SPIN1: variants seen among roughly 807,000 people sequenced by gnomAD.
SPIN1 encodes the protein spindlin-1.
Under a neutral mutation model 26.0 loss-of-function variants are expected in SPIN1, and 3 were observed. The observed-to-expected ratio is 0.12, with a 90% CI of 0.05 to 0.30. The LOEUF is 0.30. Ranked by LOEUF, SPIN1 falls within the 10% of genes least tolerant of loss-of-function variation. SPIN1 has a pLI of 1.00. For synonymous variants in SPIN1, 101 were observed against 116.5 expected, an observed-to-expected ratio of 0.87 and a Z score of 0.86; for missense variants, 126 against 333.4, an observed-to-expected ratio of 0.38 and a Z score of 4.84.
chr9:88,392,638 T>C (rs906397670), intron 1 of SPIN1, among the ~76,000 whole-genome samples: 34 of 152,030 alleles, frequency 2.2e-4, no homozygotes, highest in African/African-American at 5.5e-4. Flanking sequence ...CTTCCTTCCT[T>C]CCTCCCTCTT....
intron 1 of SPIN1, among the ~76,000 whole-genome samples, chr9:88,396,423 G>GA (rs1482387821): frequency 6.6e-6 from 1 of 151,414 alleles, no homozygotes; most frequent in African/African-American, 2.4e-5. Flanking sequence ...CCAACATGGT[G>GA]AAACCCCGTC....
At chr9:88,431,226 T>C (rs760738763) in intron 2 of SPIN1, among the ~76,000 whole-genome samples, 9 of 151,576 alleles carry the variant, frequency 5.9e-5, no homozygotes, top group Non-Finnish European at 1.0e-4. Flanking sequence ...GTACAAGGAA[T>C]GTTAGTCATA....
At chr9:88,453,687 C>A (rs1040158249) in intron 3 of SPIN1, among the ~76,000 whole-genome samples, 1 of 152,078 alleles carries the variant, frequency 6.6e-6, no homozygotes, top group Admixed American at 6.6e-5. Context: ...CCACCACGCC[C>A]GACTGATTTT....
At chr9:88,446,180 T>A (rs1333951061) in intron 2 of SPIN1, among the ~76,000 whole-genome samples, 2 of 152,198 alleles carry the variant, frequency 1.3e-5, no homozygotes, top group African/African-American at 2.4e-5. Context: ...CATATGCATT[T>A]AAGATTATTA....
intron 3 of SPIN1, among the ~76,000 whole-genome samples, chr9:88,458,825 T>A (rs543960436): frequency 6.6e-6 from 1 of 152,188 alleles, no homozygotes; most frequent in African/African-American, 2.4e-5. Flanking sequence ...ACAGCCAGTC[T>A]GGAGGCAGAA....
chr9:88,438,449 CTG>C (rs1224037430), intron 2 of SPIN1, among the ~76,000 whole-genome samples: 1 of 152,150 alleles, frequency 6.6e-6, no homozygotes, highest in Non-Finnish European at 1.5e-5. Flanking sequence ...ATTTGTGAAA[CTG>C]TTTTACAGTT....
intron 2 of SPIN1, among the ~76,000 whole-genome samples, chr9:88,448,146 C>T (rs554828077): frequency 4.0e-5 from 6 of 151,668 alleles, no homozygotes; most frequent in South Asian, 4.2e-4. Flanking sequence ...TGGGTTTAAG[C>T]GATCTTCCCA....
At chr9:88,425,927 C>G (rs1827756452) in intron 1 of SPIN1, among the ~76,000 whole-genome samples, 1 of 152,154 alleles carries the variant, frequency 6.6e-6, no homozygotes, top group Non-Finnish European at 1.5e-5. Context: ...CCCGTGCTGT[C>G]CTTCCACTCT....
intron 3 of SPIN1, among the ~76,000 whole-genome samples, 191 bp downstream of exon 3, chr9:88,449,180 T>C (rs1401228275): frequency 6.6e-6 from 1 of 151,854 alleles, no homozygotes; most frequent in Non-Finnish European, 1.5e-5. Context: ...CTGGCTGCAG[T>C]GTGCCAGGTC....
intron 4 of SPIN1, among the ~76,000 whole-genome samples, chr9:88,465,707 C>T (rs1286741273): frequency 1.3e-5 from 2 of 152,134 alleles, no homozygotes; most frequent in Admixed American, 6.6e-5. Flanking sequence ...TTTAATGTAA[C>T]AGTATGACAG....
intron 1 of SPIN1, among the ~76,000 whole-genome samples, chr9:88,418,360 C>T (rs1053704612): frequency 1.3e-5 from 2 of 152,200 alleles, no homozygotes; most frequent in Non-Finnish European, 2.9e-5. Flanking sequence ...TATTTCTTCA[C>T]GTTTAACCTT....
At chr9:88,430,864 C>T (rs1392211352) in intron 2 of SPIN1, among the ~76,000 whole-genome samples, 1 of 148,388 alleles carries the variant, frequency 6.7e-6, no homozygotes. Context: ...CAGTATTTTC[C>T]TTTTATGATA....
intron 2 of SPIN1, among the ~76,000 whole-genome samples, chr9:88,448,436 C>T (rs1015829664): frequency 3.3e-5 from 5 of 152,136 alleles, no homozygotes; most frequent in African/African-American, 7.2e-5. Flanking sequence ...ACTGCAACCT[C>T]GACTTCCTGG....
chr9:88,422,025 C>G (rs1405640207), intron 1 of SPIN1, among the ~76,000 whole-genome samples: 1 of 152,062 alleles, frequency 6.6e-6, no homozygotes, highest in African/African-American at 2.4e-5. Flanking sequence ...ATTGTTTTAT[C>G]TTTCAATTCC....
chr9:88,441,561 C>T (rs1387538654), intron 2 of SPIN1, among the ~76,000 whole-genome samples: 4 of 151,736 alleles, frequency 2.6e-5, no homozygotes, highest in African/African-American at 4.9e-5. Flanking sequence ...AGTTCGAGAC[C>T]AGTCTGGGCA....
At chr9:88,437,104 T>C (rs1369604410) in intron 2 of SPIN1, among the ~76,000 whole-genome samples, 3 of 152,140 alleles carry the variant, frequency 2.0e-5, no homozygotes, top group Non-Finnish European at 2.9e-5. Flanking sequence ...TCATTTCTTT[T>C]TATCACCAAA....
At position 88,475,822 on chromosome 9, in the gene SPIN1, C is replaced by T. The variant is rs547587263; in HGVS notation, c.*545C>T. ...AATTTTCTTGAGTTTAACAGGAGTG[C>T]TTTACCCAAGTCAGTCATGGATATG... On this transcript the variant is annotated 3_prime_UTR_variant, in exon 6 of 6. Transcript: ENST00000375859. The T allele has an allele frequency of 6.6e-6, 1 of 152,178 alleles. No individual in the cohort carries two copies. The highest frequency in any genetic ancestry group is 2.1e-4 in the South Asian group (1 of 4,830). The allele number at this position is 152,178 out of a possible 1,614,324, so 9.4% of individuals were successfully genotyped here.
intron 2 of SPIN1, among the ~76,000 whole-genome samples, chr9:88,442,679 C>T (rs1349059876): frequency 6.6e-6 from 1 of 151,982 alleles, no homozygotes; most frequent in East Asian, 1.9e-4. Flanking sequence ...GCCACCATGC[C>T]TGGTGAAGAT....
intron 3 of SPIN1, among the ~76,000 whole-genome samples, chr9:88,458,762 T>C (rs1165885860): frequency 6.6e-6 from 1 of 152,090 alleles, no homozygotes; most frequent in African/African-American, 2.4e-5. Context: ...TCAAAATCTA[T>C]AGGGTAGGCC....
Sources: allele counts gnomAD v4.1 joint callset (sites outside exome capture counted in the v4.1 genomes callset), GRCh38; gene constraint gnomAD v4.1.1; transcripts MANE v1.5; gene names NCBI Gene and HGNC (gene_info 2026-07-23, HGNC 2026-07-21).